Variants in SYT14 observed in about 807,000 individuals in gnomAD.
The protein encoded by SYT14 is synaptotagmin-14.
A neutral mutation model predicts 74.2 loss-of-function variants in SYT14; 32 were observed. The ratio of observed to expected loss-of-function variants is 0.43; its 90% CI spans 0.33 to 0.58. SYT14 has a LOEUF of 0.58. Ranked by LOEUF, SYT14 falls within the 20% of genes least tolerant of loss-of-function variation. The pLI is 0.05. For missense variants in SYT14, 791 were observed against 981.8 expected (o/e 0.81, Z 2.60); for synonymous variants, 298 against 337.7 (o/e 0.88, Z 1.29).
At chr1:210,034,693 A>G (rs1339845211) in intron 5 of SYT14, among the ~76,000 whole-genome samples, 1 of 151,734 alleles carries the variant, frequency 6.6e-6, no homozygotes, top group Non-Finnish European at 1.5e-5. Flanking sequence ...TGTAAATATT[A>G]CCTAGCTTCC....
intron 7 of SYT14, among the ~76,000 whole-genome samples, chr1:210,110,857 G>C (rs2082248868): frequency 6.6e-6 from 1 of 152,150 alleles, no homozygotes; most frequent in Non-Finnish European, 1.5e-5. Flanking sequence ...CAATTCTCCT[G>C]CCTCAGCCTC....
At chr1:210,016,306 T>C (rs1026112486) in exon 4 of SYT14, 2 of 1,232,000 alleles carry the variant, frequency 1.6e-6, no homozygotes, top group Non-Finnish European at 2.0e-6. Context: ...AGCAAATAAA[T>C]ACTTGTAAAA....
intron 5 of SYT14, among the ~76,000 whole-genome samples, chr1:210,086,737 G>A (rs983590735): frequency 6.6e-6 from 1 of 152,146 alleles, no homozygotes; most frequent in East Asian, 1.9e-4. Flanking sequence ...TTTATGTGTG[G>A]GTGTATGTGC....
exon 5 of SYT14, chr1:210,021,139 C>A: frequency 6.2e-7 from 1 of 1,613,996 alleles, no homozygotes; most frequent in Non-Finnish European, 8.5e-7. Flanking sequence ...CACACAATTC[C>A]AGACTACCAC....
chr1:210,134,917 C>T (rs185020360), intron 7 of SYT14, among the ~76,000 whole-genome samples: 1 of 152,142 alleles, frequency 6.6e-6, no homozygotes, highest in Admixed American at 6.5e-5. Flanking sequence ...TATATGAGAC[C>T]CTTTGAAGTT....
chr1:210,125,498 T>C (rs1159738650), intron 7 of SYT14, among the ~76,000 whole-genome samples: 1 of 152,200 alleles, frequency 6.6e-6, no homozygotes, highest in African/African-American at 2.4e-5. Context: ...GATCTCTTGA[T>C]CAAACTAAGA....
intron 2 of SYT14, among the ~76,000 whole-genome samples, chr1:210,000,102 T>C (rs1354196690): frequency 2.0e-5 from 3 of 152,232 alleles, no homozygotes; most frequent in Non-Finnish European, 4.4e-5. Context: ...TGCAAATGTA[T>C]ACAAACACTT....
chr1:210,015,420 C>T (rs1283349046), intron 3 of SYT14, among the ~76,000 whole-genome samples: 1 of 151,936 alleles, frequency 6.6e-6, no homozygotes, highest in African/African-American at 2.4e-5. Context: ...TATTTACCTC[C>T]TAGAATTACT....
At chr1:209,976,650 C>T (rs996952533) in intron 2 of SYT14, among the ~76,000 whole-genome samples, 12 of 151,992 alleles carry the variant, frequency 7.9e-5, no homozygotes, top group African/African-American at 1.2e-4. Flanking sequence ...GGAATAAGTA[C>T]GGCATGGTGC....
intron 7 of SYT14, among the ~76,000 whole-genome samples, chr1:210,144,743 A>G (rs576137484): frequency 3.1e-4 from 47 of 152,236 alleles, no homozygotes; most frequent in African/African-American, 1.1e-3. Context: ...AAACATTTAT[A>G]TTAAAAACAG....
chr1:210,020,308 C>T (rs2080276212), intron 4 of SYT14, among the ~76,000 whole-genome samples: 1 of 152,098 alleles, frequency 6.6e-6, no homozygotes, highest in South Asian at 2.1e-4. Flanking sequence ...TAGGTTATCT[C>T]TTTTGCCATT....
chr1:210,145,708 T>A (rs1176486435), intron 7 of SYT14, among the ~76,000 whole-genome samples: 4 of 152,100 alleles, frequency 2.6e-5, no homozygotes, highest in Non-Finnish European at 5.9e-5. Flanking sequence ...CACATGCCAC[T>A]CCAGACCAGT....
At chr1:210,070,346 T>G (rs2081370085) in intron 5 of SYT14, among the ~76,000 whole-genome samples, 1 of 152,122 alleles carries the variant, frequency 6.6e-6, no homozygotes, top group African/African-American at 2.4e-5. Context: ...TTTTCACTTT[T>G]AGAAAATTAA....
intron 7 of SYT14, among the ~76,000 whole-genome samples, chr1:210,102,160 G>A (rs986154713): frequency 2.0e-5 from 3 of 152,014 alleles, no homozygotes; most frequent in Admixed American, 6.6e-5. Flanking sequence ...AGGTAAACTT[G>A]TGTCATGGGG....
chr1:210,134,971 A>G (rs1256277856), intron 7 of SYT14, among the ~76,000 whole-genome samples: 1 of 150,538 alleles, frequency 6.6e-6, no homozygotes, highest in Admixed American at 6.6e-5. Context: ...TGTGTTCTTA[A>G]TTTTTTTCCC....
intron 2 of SYT14, among the ~76,000 whole-genome samples, chr1:209,973,649 T>C (rs1387812301): frequency 1.3e-5 from 2 of 152,210 alleles, no homozygotes; most frequent in African/African-American, 4.8e-5. Flanking sequence ...TTTGCTATTG[T>C]GAATAGTGCC....
exon 7 of SYT14, chr1:210,100,452 C>T (rs201211765): frequency 3.7e-6 from 6 of 1,612,790 alleles, no homozygotes; most frequent in Non-Finnish European, 5.1e-6. Context: ...AACCTTCTTA[C>T]AATCATTCTG....
chr1:210,014,340 A>G (rs892978286), intron 3 of SYT14, among the ~76,000 whole-genome samples: 2 of 151,646 alleles, frequency 1.3e-5, no homozygotes, highest in African/African-American at 4.8e-5. Flanking sequence ...ACCATATATT[A>G]TAGTGTTACT....
In SYT14 at chr1:210,113,379, A is replaced by C. The variant is rs545981319; in HGVS notation, c.2034+12918A>C. Reference sequence around the variant, plus strand: ...ATGGGTTTGGCACCATGAGGTGGATAGGCAAAACAATTTAGTTGATAAGGC... The same window carrying C: ...ATGGGTTTGGCACCATGAGGTGGATCGGCAAAACAATTTAGTTGATAAGGC... On this transcript the variant is annotated intron_variant, in intron 7 of 9. Coordinates refer to ENST00000637265, the Ensembl canonical transcript of SYT14. Among the ~76,000 whole-genome samples, 6 of 151,330 alleles carry C rather than the reference A, an allele frequency of 4.0e-5. 1 individual carries two copies. The highest frequency in any genetic ancestry group is 1.3e-4 in the Admixed American group (2 of 15,272).
Sources: gnomAD v4.1 joint callset for allele counts (sites outside exome capture counted in the v4.1 genomes callset) on GRCh38, gnomAD v4.1.1 for gene constraint, MANE v1.5 for transcripts, NCBI Gene and HGNC (gene_info 2026-07-23, HGNC 2026-07-21) for gene names.